Variants in TMOD4 observed in about 807,000 individuals in gnomAD.
TMOD4 encodes the protein tropomodulin-4.
TMOD4 carries 34 observed loss-of-function variants against 45.4 expected under a neutral mutation model. The observed-to-expected ratio is 0.75, with a 90% CI of 0.57 to 1.00. TMOD4 has a LOEUF of 1.00. Among genes scored for constraint, TMOD4 ranks in the 50% least tolerant of loss-of-function variants. The pLI is 0.00. For missense variants in TMOD4, 399 were observed against 437.5 expected (o/e 0.91, Z 0.78); for synonymous variants, 131 against 153.9 (o/e 0.85, Z 1.10).
rs1238711090 is a variant in TMOD4 at position 151,172,296 on chromosome 1, T to C, written c.459A>G (p.Gly153=). 2 of 1,613,810 alleles carry C rather than the reference T, an allele frequency of 1.2e-6. No homozygotes were observed. The highest frequency in any genetic ancestry group is 1.7e-6 in the Non-Finnish European group (2 of 1,179,792). The change falls in exon 5 of 10, where the codon GGA becomes GGG. Residue 153 remains glycine (G), a synonymous_variant. Transcript: ENST00000295314. ...NKQYYDALCS[G]EICNTEGISS... ...TAATGCCTTCAGTGTTGCAGATTTCTCCACTGCAGAGGGCATCATAGTATT... is the reference window on the plus strand; with the variant it reads ...TAATGCCTTCAGTGTTGCAGATTTCCCCACTGCAGAGGGCATCATAGTATT...
At position 151,173,632 on chromosome 1, in the gene TMOD4, G is replaced by A. The variant is rs758940533; in HGVS notation, c.281-17C>T. ...AGGGTTTCCCTGATGGGGAGATGAA[G>A]GATGGCTCAGGTAGAGGTAATTTCT... On this transcript the variant is annotated splice_polypyrimidine_tract_variant and intron_variant, in intron 3 of 9. Coordinates refer to ENST00000295314, the MANE Select transcript of TMOD4 (RefSeq NM_013353.3). The A allele has an allele frequency of 3.8e-6, 6 of 1,588,718 alleles. No homozygotes were observed. The highest frequency in any genetic ancestry group is 1.7e-4 in the Middle Eastern group (1 of 6,018).
At chr1:151,171,830 TTTC>T (rs1250278472) in intron 5 of TMOD4, 67 bp from the exon 6 acceptor site, 22 of 1,540,402 alleles carry the variant, frequency 1.4e-5, no homozygotes, top group African/African-American at 2.8e-5. Flanking sequence ...TTGGTTTTCT[TTTC>T]TTTTCTTTTT....
intron 4 of TMOD4, 32 bp downstream of exon 4, chr1:151,173,467 C>T: frequency 6.4e-7 from 1 of 1,561,088 alleles, no homozygotes; most frequent in Non-Finnish European, 8.8e-7. Flanking sequence ...TGCCCCTGAT[C>T]CTCTCACCCT....
Position 151,171,439 on chromosome 1 carries a change from A to G in TMOD4, c.720T>C (p.Ile240=). The change falls in exon 7 of 10, where the codon ATT becomes ATC. Residue 240 remains isoleucine (I), a synonymous_variant. Transcript: ENST00000295314. ...GGATGTCAACTAGCCTTACATTGGCAATGGGGTCACCACTCCTCGTGGCTA... is the reference window on the plus strand; with the variant it reads ...GGATGTCAACTAGCCTTACATTGGCGATGGGGTCACCACTCCTCGTGGCTA... ...SLVATRSGDP[I]ANAVADMLRE... is the part of the protein sequence containing the mutation. 6.2e-7 allele frequency: 1 copy of G among 1,613,996 alleles called. No individual in the cohort carries two copies. Among genetic ancestry groups the G allele is most frequent in the Non-Finnish European group, 8.5e-7 (1 of 1,179,904 alleles).
intron 6 of TMOD4, 33 bp from the exon 7 acceptor site, chr1:151,171,573 G>A (rs1683956444): frequency 1.1e-5 from 18 of 1,614,034 alleles, no homozygotes; most frequent in African/African-American, 1.3e-5. Flanking sequence ...GGTGGGCTAA[G>A]GGACTCTCGG....
intron 4 of TMOD4, among the ~76,000 whole-genome samples, chr1:151,172,805 TTTGTTG>T (rs925980136): frequency 2.6e-5 from 4 of 151,896 alleles, no homozygotes; most frequent in African/African-American, 9.7e-5. Context: ...GCTAATTTTT[TTTGTTG>T]TTGTTTTTGT....
At chr1:151,171,181 A>G in intron 7 of TMOD4, 118 bp from the exon 8 acceptor site, 1 of 1,206,898 alleles carries the variant, frequency 8.3e-7, no homozygotes, top group Admixed American at 1.9e-5. Flanking sequence ...AGGTGCTGTA[A>G]ATGGAGCTAG....
At chr1:151,170,762 C>T (rs942841473) in intron 8 of TMOD4, 99 bp from the exon 9 acceptor site, 26 of 1,537,998 alleles carry the variant, frequency 1.7e-5, no homozygotes, top group South Asian at 2.4e-5. Flanking sequence ...GCTTGTTTCT[C>T]CACAGTGGGT....
Position 151,171,718 on chromosome 1 carries a change from G to A in TMOD4, c.533C>T (p.Pro178Leu), listed in dbSNP as rs771059810. 6.2e-7 allele frequency: 1 copy of A among 1,614,112 alleles called. No homozygotes were observed. Among genetic ancestry groups the A allele is most frequent in the Non-Finnish European group, 8.5e-7 (1 of 1,180,012 alleles). The part of the protein sequence containing the change: ...DKYKPVPDEP[P>L]NPTNIEEILK... ...TATCTCCTCAATGTTTGTGGGATTT[G>A]GGGGTTCATCCGGCACTGGCTTATA... The change falls in exon 6 of 10, where the codon CCA (proline) becomes CTA (leucine). Residue 178 changes from proline (P) to leucine (L), a missense_variant. Transcript: ENST00000295314.
rs760118298 is a variant in TMOD4, at chr1:151,170,607, A to G, written c.927T>C (p.Cys309=). 6.2e-7 allele frequency: 1 copy of G among 1,614,144 alleles called. No homozygotes were observed. Among genetic ancestry groups the G allele is most frequent in the Non-Finnish European group, 8.5e-7 (1 of 1,180,030 alleles). The change falls in exon 9 of 10, where the codon TGT becomes TGC. Residue 309 remains cysteine, a synonymous_variant. Transcript: ENST00000295314. ...GGTAGCCAAAGCGGACAATAGAGGG[A>G]CACTGCTCTAGCACGGTGGCCATCT... ...EMEMATVLEQ[C]PSIVRFGYHF... is the part of the protein sequence containing the mutation.
At position 151,170,045 on chromosome 1, in the gene TMOD4, T is replaced by C. The variant is rs199830731; in HGVS notation, c.*36A>G. The C allele has an allele frequency of 3.7e-5, 60 of 1,613,496 alleles. No individual in the cohort carries two copies. The highest frequency in any genetic ancestry group is 4.9e-5 in the Non-Finnish European group (58 of 1,179,406). The stretch of plus-strand genomic sequence containing the variant: ...GACAGATGAGGATTTAAGTGTCCAG[T>C]GCTCCCAGCGCTAGTTGGTAAAGGG... On this transcript the variant is annotated 3_prime_UTR_variant, in exon 10 of 10. Coordinates refer to ENST00000295314, the MANE Select transcript of TMOD4 (RefSeq NM_013353.3).
In TMOD4 at chr1:151,170,086, T is replaced by A. The variant is rs747816307; in HGVS notation, c.1033A>T (p.Arg345Ter). The change falls in exon 10 of 10, where the codon AGA (arginine) becomes TGA (stop). Residue 345 changes from arginine (R) to a stop codon, truncating the protein, a stop_gained. Coordinates refer to ENST00000295314, the MANE Select transcript of TMOD4 (RefSeq NM_013353.3). LOFTEE classifies it high-confidence loss of function. ...TGGTAAAGGGAAATGCAGTGTTATC[T>A]CTTCTTTTGCTGGCGACCTGTAAAG... ...NNELRRQQKK[R>*] 1.2e-6 allele frequency: 2 copies of A among 1,614,224 alleles called. No homozygotes were observed. The highest frequency in any genetic ancestry group is 2.2e-5 in the South Asian group (2 of 91,082).
chr1:151,170,844 T>C, intron 8 of TMOD4, 76 bp downstream of exon 8: 5 of 1,562,800 alleles, frequency 3.2e-6, no homozygotes, highest in Non-Finnish European at 4.3e-6. Flanking sequence ...TTAAGTAAGA[T>C]AGCTGCCCCA....
At position 151,174,493 on chromosome 1, in the gene TMOD4, T is replaced by C. The variant is rs1385350046; in HGVS notation, c.178A>G (p.Thr60Ala). ...AGGGCCTCTCGGTCCAGTGGCCCCG[T>C]TGGGCTCTTCTTTGTCTGGTCACGT... ...RQRDQTKKSP[T>A]GPLDREALLQ... The change falls in exon 3 of 10, where the codon ACG becomes GCG. Residue 60 changes from threonine to alanine, a missense_variant. Transcript: ENST00000295314. The C allele has an allele frequency of 1.1e-5, 18 of 1,614,210 alleles. No individual in the cohort carries two copies. Among genetic ancestry groups the C allele is most frequent in the Non-Finnish European group, 1.5e-5 (18 of 1,180,042 alleles).
Position 151,174,771 on chromosome 1 carries a change from T to C in TMOD4, c.105A>G (p.Leu35=), listed in dbSNP as rs372177054. 3.3e-5 allele frequency: 53 copies of C among 1,613,880 alleles called. No homozygotes were observed. In the African/African-American group the frequency reaches 6.7e-4, roughly 20 times the overall value. ...CCCCTACCTCAGGATCCATCTCCTG[T>C]AGTTCGCAGTCCAGCTGCTCTAGCT... ...PEELEQLDCE[L]QEMDPENMLL... is the part of the protein sequence containing the mutation. Residue 35 remains leucine, a synonymous_variant, in exon 2 of 10, where the codon CTA becomes CTG. Transcript: ENST00000295314.
intron 3 of TMOD4, 38 bp from the exon 4 acceptor site, chr1:151,173,653 T>C (rs1308699197): frequency 1.3e-6 from 2 of 1,529,352 alleles, no homozygotes; most frequent in Non-Finnish European, 9.1e-7. Context: ...GTAGAGGTAA[T>C]TTCTCCCAAG....
intron 5 of TMOD4, 127 bp from the exon 6 acceptor site, chr1:151,171,890 G>T: frequency 8.0e-7 from 1 of 1,253,330 alleles, no homozygotes; most frequent in Non-Finnish European, 1.1e-6. Context: ...AGGCTGGAAT[G>T]CAGTGGCACA....
chr1:151,174,437 T>C lies in TMOD4; in HGVS notation c.234A>G (p.Glu78=), dbSNP rs896076554. The C allele has an allele frequency of 4.3e-6, 7 of 1,614,030 alleles. No individual in the cohort carries two copies. In the Admixed American group the frequency reaches 1.0e-4, roughly 23 times the overall value. ...LLQYLEQQAL[E]VKERDDLVPF... is the part of the protein sequence containing the mutation. ...GCACCAAGTCATCACGCTCTTTGAC[T>C]TCTAGTGCCTGTTGCTCCAAGTACT... is the stretch of plus-strand genomic sequence containing the variant. Residue 78 remains glutamate (E), a synonymous_variant, in exon 3 of 10, where the codon GAA becomes GAG. Transcript: ENST00000295314.
intron 4 of TMOD4, 87 bp from the exon 5 acceptor site, chr1:151,172,444 T>A: frequency 9.3e-7 from 1 of 1,079,430 alleles, no homozygotes; most frequent in South Asian, 1.3e-5. Flanking sequence ...TCTGTTGCAT[T>A]TGTAAAGCCT....
Sources: allele counts gnomAD v4.1 joint callset (sites outside exome capture counted in the v4.1 genomes callset), GRCh38; gene constraint gnomAD v4.1.1; transcripts MANE v1.5; gene names NCBI Gene and HGNC (gene_info 2026-07-23, HGNC 2026-07-21).